SAMHD1: variants seen among roughly 807,000 people sequenced by gnomAD.
SAMHD1 encodes the protein deoxynucleoside triphosphate triphosphohydrolase SAMHD1.
A neutral mutation model predicts 79.6 loss-of-function variants in SAMHD1; 54 were observed. The observed-to-expected ratio is 0.68, with a 90% CI of 0.55 to 0.85. The LOEUF (loss-of-function observed/expected upper bound fraction) is 0.85. SAMHD1 is among the 40% of genes least tolerant of loss of function. SAMHD1 has a pLI of 0.00. For synonymous variants in SAMHD1, 260 were observed against 264.1 expected, an observed-to-expected ratio of 0.98 and a Z score of 0.15; for missense variants, 663 against 782.7, an observed-to-expected ratio of 0.85 and a Z score of 1.82.
chr20:36,944,460 C>G (rs542915807), intron 2 of SAMHD1, among the ~76,000 whole-genome samples: 2 of 152,284 alleles, frequency 1.3e-5, no homozygotes, highest in East Asian at 1.9e-4. Flanking sequence ...AGCAACAGCA[C>G]AGGAAGTAAT....
chr20:36,931,115 C>A, intron 4 of SAMHD1: 1 of 528,722 alleles, frequency 1.9e-6, no homozygotes. Flanking sequence ...TGAGATACCA[C>A]TTCACACCCC....
chr20:36,934,155 T>A (rs2146136082), intron 4 of SAMHD1, among the ~76,000 whole-genome samples: 1 of 152,210 alleles, frequency 6.6e-6, no homozygotes, highest in Admixed American at 6.5e-5. Context: ...ATAGATACTT[T>A]CATTATTTTT....
Position 36,905,397 on chromosome 20 carries a change from C to T in SAMHD1, c.1377G>A (p.Glu459=). 1.2e-6 allele frequency: 2 copies of T among 1,614,070 alleles called. No homozygotes were observed. Among genetic ancestry groups the T allele is most frequent in the Non-Finnish European group, 1.7e-6 (2 of 1,179,984 alleles). The change falls in exon 12 of 16, where the codon GAG becomes GAA. Residue 459 remains glutamate, a synonymous_variant. Coordinates refer to ENST00000646673, the MANE Select transcript of SAMHD1 (RefSeq NM_015474.4). The part of the protein sequence containing the change: ...EYRNLFKYVG[E]TQPTGQIKIK... ...TCTTTATTTGTCCTGTTGGCTGCGT[C>T]TCACCCACATACTTGAATAGATTAC... is the stretch of plus-strand genomic sequence containing the variant.
At chr20:36,950,019 G>A (rs1410054535) in intron 1 of SAMHD1, among the ~76,000 whole-genome samples, 2 of 149,956 alleles carry the variant, frequency 1.3e-5, no homozygotes, top group South Asian at 2.1e-4. Context: ...GGGCCCATAA[G>A]GGAAGAGAGA....
intron 3 of SAMHD1, among the ~76,000 whole-genome samples, chr20:36,938,462 C>A (rs955908754): frequency 1.3e-5 from 2 of 151,718 alleles, no homozygotes; most frequent in African/African-American, 4.8e-5. Context: ...ATTGCTTGAA[C>A]CCGGGAGGCG....
intron 7 of SAMHD1, among the ~76,000 whole-genome samples, chr20:36,918,512 T>A (rs1341991768): frequency 1.3e-5 from 2 of 151,452 alleles, no homozygotes; most frequent in Non-Finnish European, 2.9e-5. Flanking sequence ...TAAAAAAGAA[T>A]TTATGGCCGG....
chr20:36,936,898 T>C (rs2063607504), intron 3 of SAMHD1, among the ~76,000 whole-genome samples: 2 of 151,954 alleles, frequency 1.3e-5, no homozygotes, highest in Non-Finnish European at 2.9e-5. Flanking sequence ...GCCAGCACTT[T>C]GGGAGGCCAA....
In SAMHD1 at chr20:36,898,557, A is replaced by G. The variant is rs766718325; in HGVS notation, c.1504-13T>C. ...CCATGTTGATAACCTAAATAAAAGC[A>G]ATTCACAAGTAATCATATAGCAAGC... On this transcript the variant is annotated splice_polypyrimidine_tract_variant and intron_variant, in intron 13 of 15. Transcript: ENST00000646673. 2 of 1,585,244 alleles carry G rather than the reference A, an allele frequency of 1.3e-6. No individual in the cohort carries two copies.
intron 3 of SAMHD1, chr20:36,935,472 T>C: frequency 4.7e-6 from 2 of 422,824 alleles, no homozygotes; most frequent in African/African-American, 2.0e-5. Context: ...TAGTCTTTAA[T>C]AAGTTTGTCT....
chr20:36,918,009 T>G (rs1487994406), intron 7 of SAMHD1, among the ~76,000 whole-genome samples: 1 of 152,114 alleles, frequency 6.6e-6, no homozygotes, highest in Non-Finnish European at 1.5e-5. Context: ...CTATAAATAT[T>G]TCAAATATGA....
Position 36,892,046 on chromosome 20 carries a change from G to T in SAMHD1, c.*886C>A, listed in dbSNP as rs945111656. On this transcript the variant is annotated 3_prime_UTR_variant, in exon 16 of 16. Coordinates refer to ENST00000646673, the MANE Select transcript of SAMHD1 (RefSeq NM_015474.4). ...GGACCGGGGGAGTGAGTATTCAGGG[G>T]ACAAAGGCACTACCCGGGTCTGGAG... The T allele has an allele frequency of 2.6e-5, 4 of 152,450 alleles. No individual in the cohort carries two copies. The highest frequency in any genetic ancestry group is 5.9e-5 in the Non-Finnish European group (4 of 68,236). 9.4% of individuals were successfully genotyped at this position (152,450 alleles called of 1,614,324 possible).
chr20:36,917,856 TG>T (rs1291279490), intron 7 of SAMHD1, among the ~76,000 whole-genome samples: 1 of 152,078 alleles, frequency 6.6e-6, no homozygotes, highest in Non-Finnish European at 1.5e-5. Flanking sequence ...TAAGTACACT[TG>T]TATATATTTG....
intron 11 of SAMHD1, among the ~76,000 whole-genome samples, chr20:36,909,984 G>A (rs950444122): frequency 9.2e-5 from 14 of 151,850 alleles, no homozygotes; most frequent in African/African-American, 2.4e-4. Flanking sequence ...CAGCACTTTC[G>A]GAGGCTGAGG....
rs879334178 is a variant in SAMHD1, at chr20:36,904,205, G to A, written c.1455C>T (p.Pro485=). The A allele has an allele frequency of 6.2e-7, 1 of 1,613,800 alleles. No individual in the cohort carries two copies. The highest frequency in any genetic ancestry group is 8.5e-7 in the Non-Finnish European group (1 of 1,179,788). The stretch of plus-strand genomic sequence containing the variant: ...TCAGTTTCACGTCTAGCAATACTTT[G>A]GGTTTAGCACTGGCAACCTCTTTTG... The part of the protein sequence containing the change: ...SLPKEVASAK[P]KVLLDVKLKA... The change falls in exon 13 of 16, where the codon CCC becomes CCT. Residue 485 remains proline, a synonymous_variant. Transcript: ENST00000646673.
chr20:36,923,642 G>C (rs1289484874), intron 6 of SAMHD1, among the ~76,000 whole-genome samples: 1 of 152,066 alleles, frequency 6.6e-6, no homozygotes, highest in Non-Finnish European at 1.5e-5. Flanking sequence ...AGGCAACATA[G>C]TAAGACTCCA....
intron 5 of SAMHD1, among the ~76,000 whole-genome samples, chr20:36,928,402 A>G (rs2063549006): frequency 7.5e-6 from 1 of 133,934 alleles, no homozygotes; most frequent in Non-Finnish European, 1.6e-5. Context: ...AGAAAAAAAA[A>G]GGGGCTGGGC....
intron 4 of SAMHD1, among the ~76,000 whole-genome samples, chr20:36,933,861 G>A (rs1393469344): frequency 1.3e-5 from 2 of 151,830 alleles, no homozygotes; most frequent in Non-Finnish European, 2.9e-5. Flanking sequence ...CCTGGCCAAC[G>A]TGGTGAAACC....
At chr20:36,906,368 G>A (rs1312741315) in intron 11 of SAMHD1, among the ~76,000 whole-genome samples, 1 of 152,236 alleles carries the variant, frequency 6.6e-6, no homozygotes, top group Admixed American at 6.5e-5. Context: ...AACCCTGGAG[G>A]TGGAGGTTGC....
intron 3 of SAMHD1, among the ~76,000 whole-genome samples, chr20:36,937,070 G>A (rs2063609387): frequency 6.6e-6 from 1 of 151,202 alleles, no homozygotes. Context: ...GAACCCAGGA[G>A]GCAAAGGTTG....
Sources: allele counts gnomAD v4.1 joint callset (sites outside exome capture counted in the v4.1 genomes callset), GRCh38; gene constraint gnomAD v4.1.1; transcripts MANE v1.5; gene names NCBI Gene and HGNC (gene_info 2026-07-23, HGNC 2026-07-21).